CA10: variants seen among roughly 807,000 people sequenced by gnomAD.
CA10 encodes the protein carbonic anhydrase 10 (inactive).
Under a neutral mutation model 44.2 loss-of-function variants are expected in CA10, and 14 were observed. The observed-to-expected ratio is 0.32, with a 90% confidence interval of 0.21 to 0.50. CA10 has a LOEUF of 0.50. CA10 is among the 20% of genes least tolerant of loss of function. The probability of loss-of-function intolerance (pLI) is 0.99; values close to 1 mark genes in which losing one functional copy is unlikely to be tolerated. For synonymous variants in CA10, 159 were observed against 141.6 expected, an observed-to-expected ratio of 1.12 and a Z score of -0.87; for missense variants, 350 against 409.7, an observed-to-expected ratio of 0.85 and a Z score of 1.26.
intron 4 of CA10, among the ~76,000 whole-genome samples, chr17:51,675,572 C>T (rs1324799222): frequency 6.7e-6 from 1 of 149,972 alleles, no homozygotes; most frequent in African/African-American, 2.5e-5. Context: ...AAAAATTAGC[C>T]AGGTGTGGTG....
intron 4 of CA10, among the ~76,000 whole-genome samples, chr17:51,737,928 T>G (rs1469333095): frequency 6.6e-6 from 1 of 152,218 alleles, no homozygotes; most frequent in Non-Finnish European, 1.5e-5. Flanking sequence ...GAATGGATAA[T>G]CACCTTCACT....
intron 3 of CA10, among the ~76,000 whole-genome samples, chr17:51,847,025 T>C (rs1332346533): frequency 1.3e-5 from 2 of 152,180 alleles, no homozygotes; most frequent in African/African-American, 4.8e-5. Context: ...ATGGACAGTT[T>C]AGTGTTATAT....
rs12451820 is a variant in CA10 at position 51,755,635 on chromosome 17, T to G, written c.280-7817A>C. 1.4e-3 allele frequency among the ~76,000 whole-genome samples: 216 copies of G among 152,352 alleles called. 2 individuals are homozygous for G. The highest frequency in any genetic ancestry group is 0.011 in the Admixed American group (165 of 15,308). On this transcript the variant is annotated intron_variant, in intron 3 of 8. Transcript: ENST00000451037. ...TCATGCAGAAGGAAGAGATGGCCTA[T>G]CTGACGTGTACAGGAGCTACTTGCA... is the stretch of plus-strand genomic sequence containing the variant.
intron 1 of CA10, among the ~76,000 whole-genome samples, chr17:52,133,252 C>T (rs894889638): frequency 1.3e-5 from 2 of 152,170 alleles, no homozygotes; most frequent in African/African-American, 4.8e-5. Context: ...AGCCTTGGAG[C>T]CTCCAGCGCC....
At chr17:51,800,510 A>G (rs975214224) in intron 3 of CA10, among the ~76,000 whole-genome samples, 2 of 152,172 alleles carry the variant, frequency 1.3e-5, no homozygotes, top group African/African-American at 4.8e-5. Flanking sequence ...AACCTTCTAT[A>G]AAAAAACAAG....
At chr17:52,000,973 C>T (rs1985404007) in intron 2 of CA10, among the ~76,000 whole-genome samples, 1 of 151,946 alleles carries the variant, frequency 6.6e-6, no homozygotes. Context: ...CAGTACTTAT[C>T]TCAAACTGTT....
At chr17:51,664,910 C>T (rs1046913421) in intron 4 of CA10, among the ~76,000 whole-genome samples, 5 of 152,302 alleles carry the variant, frequency 3.3e-5, no homozygotes, top group Admixed American at 1.3e-4. Flanking sequence ...GCAGTAGATG[C>T]ACACCAAGGG....
chr17:52,033,020 GCTTA>G (rs1194514861), intron 2 of CA10, among the ~76,000 whole-genome samples: 3 of 152,134 alleles, frequency 2.0e-5, no homozygotes, highest in African/African-American at 7.2e-5. Flanking sequence ...AAGATTTTTG[GCTTA>G]CTAAGTGGTT....
intron 1 of CA10, among the ~76,000 whole-genome samples, chr17:52,072,743 A>G (rs1461539918): frequency 2.7e-5 from 4 of 150,342 alleles, no homozygotes; most frequent in Admixed American, 2.7e-4. Context: ...TCCTGCTGAA[A>G]CTGAGGAGAC....
At chr17:51,892,576 A>T (rs1446205296) in intron 3 of CA10, among the ~76,000 whole-genome samples, 3 of 152,160 alleles carry the variant, frequency 2.0e-5, no homozygotes, top group Non-Finnish European at 2.9e-5. Context: ...ATAAAATGAG[A>T]TAATCTTGTT....
At chr17:51,787,764 G>A (rs1380621843) in intron 3 of CA10, among the ~76,000 whole-genome samples, 2 of 152,124 alleles carry the variant, frequency 1.3e-5, no homozygotes, top group East Asian at 3.8e-4. Context: ...AAAGTGCTAG[G>A]ATTACAGGCG....
chr17:51,726,749 C>A (rs1916538072), intron 4 of CA10, among the ~76,000 whole-genome samples: 1 of 152,170 alleles, frequency 6.6e-6, no homozygotes, highest in Non-Finnish European at 1.5e-5. Context: ...TGTTCCCCTA[C>A]TATGACAAGC....
At chr17:52,077,524 A>G (rs987876532) in intron 1 of CA10, among the ~76,000 whole-genome samples, 2 of 152,102 alleles carry the variant, frequency 1.3e-5, no homozygotes, top group South Asian at 4.1e-4. Context: ...ATTTATGAAA[A>G]CAAAGAGCTG....
intron 3 of CA10, among the ~76,000 whole-genome samples, chr17:51,833,347 G>C (rs144480450): frequency 6.6e-6 from 1 of 152,266 alleles, no homozygotes; most frequent in East Asian, 1.9e-4. Context: ...CACAGATTAA[G>C]AGCTTATTTT....
chr17:51,686,999 C>G (rs1013413324), intron 4 of CA10, among the ~76,000 whole-genome samples: 4 of 152,324 alleles, frequency 2.6e-5, no homozygotes, highest in Middle Eastern at 3.4e-3. Context: ...ACTTCTCCCT[C>G]TTGTATCCAA....
At chr17:51,910,312 A>G (rs1174464617) in intron 3 of CA10, among the ~76,000 whole-genome samples, 2 of 110,172 alleles carry the variant, frequency 1.8e-5, no homozygotes, top group African/African-American at 3.4e-5. Flanking sequence ...CCTTCTACCA[A>G]TGGTAACTGA....
chr17:51,864,885 T>C (rs193106141), intron 3 of CA10, among the ~76,000 whole-genome samples: 60 of 152,280 alleles, frequency 3.9e-4, no homozygotes, highest in Admixed American at 3.9e-4. Flanking sequence ...AAAGGGCACA[T>C]TGGCTCCTGA....
chr17:51,896,787 T>C (rs1981086655), intron 3 of CA10, among the ~76,000 whole-genome samples: 4 of 152,004 alleles, frequency 2.6e-5, no homozygotes, highest in Admixed American at 2.6e-4. Flanking sequence ...CTGACTGATA[T>C]GAGGTGGTAT....
intron 3 of CA10, among the ~76,000 whole-genome samples, chr17:51,847,800 A>G (rs945417243): frequency 3.9e-5 from 6 of 152,222 alleles, no homozygotes; most frequent in African/African-American, 9.6e-5. Flanking sequence ...GAGAAGCTCA[A>G]TCTCTCAGGT....
Sources: gnomAD v4.1 joint callset for allele counts (sites outside exome capture counted in the v4.1 genomes callset) on GRCh38, gnomAD v4.1.1 for gene constraint, MANE v1.5 for transcripts, NCBI Gene and HGNC (gene_info 2026-07-23, HGNC 2026-07-21) for gene names.